Variants in SLC8A1 observed in about 807,000 individuals in gnomAD.
SLC8A1 encodes sodium/calcium exchanger 1.
Under a neutral mutation model 68.3 loss-of-function variants are expected in SLC8A1, and 18 were observed. The ratio of observed to expected loss-of-function variants is 0.26; its 90% CI spans 0.18 to 0.39. SLC8A1 has a LOEUF of 0.39. Among genes scored for constraint, SLC8A1 ranks in the 10% least tolerant of loss-of-function variants. The pLI, the probability that SLC8A1 is intolerant of heterozygous loss-of-function variation, is 1.00. For synonymous variants in SLC8A1, 475 were observed against 415.5 expected, an observed-to-expected ratio of 1.14 and a Z score of -1.74; for missense variants, 985 against 1,156.7, an observed-to-expected ratio of 0.85 and a Z score of 2.15.
exon 8 of SLC8A1, chr2:40,097,400 G>A (rs1418843044): frequency 2.6e-5 from 4 of 151,926 alleles, no homozygotes; most frequent in Non-Finnish European, 4.4e-5. Flanking sequence ...AGTTTAACAC[G>A]ATTAAACATC....
chr2:40,218,293 C>A (rs530297446), intron 2 of SLC8A1, among the ~76,000 whole-genome samples: 2 of 152,240 alleles, frequency 1.3e-5, no homozygotes, highest in African/African-American at 2.4e-5. Flanking sequence ...AAACTCATTA[C>A]AAATTGCATG....
At chr2:40,433,617 T>C (rs1327085080) in intron 1 of SLC8A1, among the ~76,000 whole-genome samples, 2 of 152,178 alleles carry the variant, frequency 1.3e-5, no homozygotes, top group Admixed American at 6.6e-5. Context: ...TAATCCTAAA[T>C]AGTAGGTACT....
chr2:40,164,146 G>A (rs1211343886), intron 5 of SLC8A1, among the ~76,000 whole-genome samples: 1 of 128,368 alleles, frequency 7.8e-6, no homozygotes, highest in African/African-American at 2.8e-5. Context: ...ACCATGTAGG[G>A]TAGAAGGGAT....
chr2:40,389,849 A>G lies in SLC8A1; in HGVS notation c.1808+38624T>C, dbSNP rs540019998. 1.5e-3 allele frequency among the ~76,000 whole-genome samples: 214 copies of G among 146,882 alleles called. 2 individuals carry two copies. The highest frequency in any genetic ancestry group is 5.6e-3 in the African/African-American group (212 of 37,742). Reference sequence around the variant, plus strand: ...GATATATATGATATATATATCATATATATCAAAGAAAATCAATGTTATAAT... The same window carrying G: ...GATATATATGATATATATATCATATGTATCAAAGAAAATCAATGTTATAAT... On this transcript the variant is annotated intron_variant, in intron 2 of 7. Transcript: ENST00000406785.
intron 1 of SLC8A1, among the ~76,000 whole-genome samples, chr2:40,499,730 C>T (rs548661640): frequency 1.3e-5 from 2 of 152,004 alleles, no homozygotes; most frequent in East Asian, 1.9e-4. Context: ...CCTGTCATTG[C>T]CAAACTCATC....
At chr2:40,229,889 G>T (rs914558059) in intron 2 of SLC8A1, among the ~76,000 whole-genome samples, 22 of 152,182 alleles carry the variant, frequency 1.4e-4, no homozygotes, top group African/African-American at 5.3e-4. Context: ...AGTTACTGAT[G>T]ATTATAGCAA....
chr2:40,373,419 G>A (rs966776891), intron 2 of SLC8A1, among the ~76,000 whole-genome samples: 6 of 151,910 alleles, frequency 3.9e-5, no homozygotes, highest in African/African-American at 4.8e-5. Flanking sequence ...ATTCAATGCC[G>A]ATATGAATAA....
intron 2 of SLC8A1, among the ~76,000 whole-genome samples, chr2:40,389,700 A>T (rs920423001): frequency 6.6e-6 from 1 of 151,798 alleles, no homozygotes; most frequent in African/African-American, 2.4e-5. Context: ...TTCCCATGTC[A>T]GTTGTGGGTC....
intron 2 of SLC8A1, among the ~76,000 whole-genome samples, chr2:40,191,124 A>T (rs1558684702): frequency 1.3e-5 from 2 of 152,172 alleles, no homozygotes; most frequent in African/African-American, 4.8e-5. Flanking sequence ...CCAAACAAGT[A>T]ATTAAATATA....
At chr2:40,281,657 C>G (rs1216463528) in intron 2 of SLC8A1, among the ~76,000 whole-genome samples, 1 of 152,150 alleles carries the variant, frequency 6.6e-6, no homozygotes, top group Non-Finnish European at 1.5e-5. Context: ...AGGCAACTTA[C>G]AAAGAAAAGC....
At chr2:40,114,580 CAT>C (rs1362368191) in exon 8 of SLC8A1, 2 of 152,742 alleles carry the variant, frequency 1.3e-5, no homozygotes, top group African/African-American at 2.4e-5. Flanking sequence ...CCAGGTATCA[CAT>C]GTTTAAATAT....
intron 2 of SLC8A1, among the ~76,000 whole-genome samples, chr2:40,279,474 A>G (rs1301968916): frequency 6.6e-6 from 1 of 152,208 alleles, no homozygotes; most frequent in Non-Finnish European, 1.5e-5. Context: ...AGTGATTAGA[A>G]TAATATCAAT....
At chr2:40,299,757 G>C (rs1453037956) in intron 2 of SLC8A1, among the ~76,000 whole-genome samples, 2 of 152,186 alleles carry the variant, frequency 1.3e-5, no homozygotes, top group East Asian at 3.9e-4. Context: ...TTCGGTGAAA[G>C]AGAGTTTCAG....
chr2:40,349,815 C>G (rs1352716171), intron 2 of SLC8A1, among the ~76,000 whole-genome samples: 1 of 151,970 alleles, frequency 6.6e-6, no homozygotes, highest in Admixed American at 6.6e-5. Context: ...TTCTGAAAAA[C>G]TTAAGATTAA....
At chr2:40,325,175 C>A (rs1439219694) in intron 2 of SLC8A1, among the ~76,000 whole-genome samples, 1 of 152,000 alleles carries the variant, frequency 6.6e-6, no homozygotes, top group African/African-American at 2.4e-5. Flanking sequence ...TCTTTTATGA[C>A]CAGAAAAATA....
chr2:40,447,114 T>C (rs979240769), intron 1 of SLC8A1, among the ~76,000 whole-genome samples: 1 of 152,240 alleles, frequency 6.6e-6, no homozygotes, highest in Non-Finnish European at 1.5e-5. Flanking sequence ...CTTTAATATT[T>C]ACATCTAGTT....
At chr2:40,107,397 C>T (rs928420559) in exon 8 of SLC8A1, 4 of 150,828 alleles carry the variant, frequency 2.7e-5, no homozygotes, top group Non-Finnish European at 5.9e-5. Flanking sequence ...CCCCAGGGTT[C>T]GACCTTGACC....
At chr2:40,385,158 T>C (rs1436950073) in intron 2 of SLC8A1, among the ~76,000 whole-genome samples, 6 of 152,096 alleles carry the variant, frequency 3.9e-5, no homozygotes, top group African/African-American at 1.2e-4. Context: ...CGGTCATTAA[T>C]TGCTATCACC....
chr2:40,356,023 C>T (rs1412199975), intron 2 of SLC8A1, among the ~76,000 whole-genome samples: 3 of 152,046 alleles, frequency 2.0e-5, no homozygotes, highest in East Asian at 1.9e-4. Flanking sequence ...CTGATGGTTA[C>T]GCACATGCTG....
Sources: allele counts gnomAD v4.1 joint callset (sites outside exome capture counted in the v4.1 genomes callset), GRCh38; gene constraint gnomAD v4.1.1; transcripts MANE v1.5; gene names NCBI Gene and HGNC (gene_info 2026-07-23, HGNC 2026-07-21).